Variants in NRG1 observed in about 807,000 individuals in gnomAD.
NRG1 encodes the protein pro-neuregulin-1, membrane-bound isoform.
A neutral mutation model predicts 63.8 loss-of-function variants in NRG1; 18 were observed. That is an observed-to-expected ratio of 0.28 (90% CI 0.19 to 0.42). The LOEUF (loss-of-function observed/expected upper bound fraction) is 0.42. NRG1 is among the 10% of genes least tolerant of loss of function. The pLI, the probability that NRG1 is intolerant of heterozygous loss-of-function variation, is 1.00. For synonymous variants in NRG1, 302 were observed against 301.3 expected (o/e 1.00, Z -0.02); for missense variants, 762 against 814.7 (o/e 0.94, Z 0.79).
intron 1 of NRG1, among the ~76,000 whole-genome samples, chr8:32,349,415 A>G (rs1343602715): frequency 6.6e-6 from 1 of 152,192 alleles, no homozygotes; most frequent in African/African-American, 2.4e-5. Flanking sequence ...ACAGACTGAA[A>G]AGAGAACAAC....
chr8:32,457,337 C>T (rs981909914), intron 1 of NRG1, among the ~76,000 whole-genome samples: 1 of 152,072 alleles, frequency 6.6e-6, no homozygotes, highest in African/African-American at 2.4e-5. Context: ...AGGATGGTGT[C>T]CAGTCATGTA....
intron 1 of NRG1, among the ~76,000 whole-genome samples, chr8:32,461,426 C>T (rs867642160): frequency 9.9e-5 from 15 of 152,150 alleles, no homozygotes; most frequent in South Asian, 4.2e-4. Context: ...TGGCTGGGCG[C>T]GGTGGCTCAT....
intron 1 of NRG1, among the ~76,000 whole-genome samples, chr8:31,850,167 G>A (rs917967789): frequency 5.3e-5 from 8 of 152,072 alleles, no homozygotes; most frequent in African/African-American, 1.9e-4. Context: ...AATTCCCAAA[G>A]CAGTATCTCT....
chr8:31,695,712 C>T (rs1809992705), intron 1 of NRG1, among the ~76,000 whole-genome samples: 1 of 152,140 alleles, frequency 6.6e-6, no homozygotes, highest in Non-Finnish European at 1.5e-5. Context: ...TTCTTATAAA[C>T]CATTCTATTT....
rs981702260 is a variant in NRG1, at chr8:32,556,750, A to T, written c.100+7924A>T. Among the ~76,000 whole-genome samples, 6 of 152,322 alleles carry T rather than the reference A, an allele frequency of 3.9e-5. No homozygotes were observed. In the East Asian group the frequency reaches 1.2e-3, roughly 29 times the overall value. ...TCAAATTTCGATATAGCCAGTTTTTAAAACTGTATATGTTTATAACTCATC... is the reference window on the plus strand; with the variant it reads ...TCAAATTTCGATATAGCCAGTTTTTTAAACTGTATATGTTTATAACTCATC... On this transcript the variant is annotated intron_variant, in intron 1 of 11. Transcript: ENST00000356819.
At chr8:31,665,097 G>A (rs544851163) in intron 1 of NRG1, among the ~76,000 whole-genome samples, 16 of 152,264 alleles carry the variant, frequency 1.1e-4, no homozygotes, top group African/African-American at 3.9e-4. Flanking sequence ...ACAGAGATTT[G>A]TCAGCAGACA....
intron 1 of NRG1, among the ~76,000 whole-genome samples, chr8:32,520,234 T>G (rs1830207050): frequency 6.6e-6 from 1 of 151,956 alleles, no homozygotes. Flanking sequence ...AGATTTCAGC[T>G]CACTGCAGCC....
At chr8:32,038,555 GCTTT>G (rs1819443722) in intron 1 of NRG1, among the ~76,000 whole-genome samples, 2 of 151,836 alleles carry the variant, frequency 1.3e-5, no homozygotes, top group Non-Finnish European at 2.9e-5. Flanking sequence ...GTTTTATTTT[GCTTT>G]CTAATAGAAT....
intron 1 of NRG1, among the ~76,000 whole-genome samples, chr8:32,224,932 T>C (rs1186450959): frequency 6.6e-6 from 1 of 152,204 alleles, no homozygotes; most frequent in Non-Finnish European, 1.5e-5. Flanking sequence ...CAGATGGCAG[T>C]GAGAAACAAA....
chr8:31,727,758 T>TA (rs1813593769), intron 1 of NRG1, among the ~76,000 whole-genome samples: 1 of 152,202 alleles, frequency 6.6e-6, no homozygotes, highest in Admixed American at 6.6e-5. Context: ...GTCTTTTTTT[T>TA]ATATGTACAT....
intron 1 of NRG1, among the ~76,000 whole-genome samples, chr8:32,185,933 A>G (rs1841918982): frequency 6.6e-6 from 1 of 152,216 alleles, no homozygotes; most frequent in Admixed American, 6.5e-5. Flanking sequence ...TAATCCTAAG[A>G]AAATTCTTCT....
chr8:31,853,975 G>A (rs1404453139), intron 1 of NRG1, among the ~76,000 whole-genome samples: 1 of 148,788 alleles, frequency 6.7e-6, no homozygotes, highest in Non-Finnish European at 1.5e-5. Flanking sequence ...CTTGATCATG[G>A]TGGATAAGCT....
intron 1 of NRG1, among the ~76,000 whole-genome samples, chr8:32,147,409 A>G (rs1287207125): frequency 6.6e-6 from 1 of 152,242 alleles, no homozygotes; most frequent in African/African-American, 2.4e-5. Flanking sequence ...TGTACATACA[A>G]TGTAATCCTA....
intron 1 of NRG1, among the ~76,000 whole-genome samples, chr8:32,293,550 G>A (rs565752750): frequency 6.6e-6 from 1 of 152,170 alleles, no homozygotes; most frequent in East Asian, 1.9e-4. Context: ...TACTAATATG[G>A]ACAATGATTT....
chr8:31,728,647 G>A (rs1469141875), intron 1 of NRG1, among the ~76,000 whole-genome samples: 1 of 152,146 alleles, frequency 6.6e-6, no homozygotes, highest in Non-Finnish European at 1.5e-5. Flanking sequence ...ACTGCTGCAT[G>A]CTAAATTCAT....
intron 1 of NRG1, among the ~76,000 whole-genome samples, chr8:32,081,616 G>T (rs1345947337): frequency 6.6e-6 from 1 of 152,098 alleles, no homozygotes; most frequent in Admixed American, 6.6e-5. Context: ...AAACATATCT[G>T]AAACATGGTT....
In NRG1 at chr8:32,077,195, C is replaced by T. The variant is rs61435725; in HGVS notation, c.37+437764C>T. On this transcript the variant is annotated intron_variant, in intron 1 of 10. Coordinates refer to the NRG1 transcript ENST00000519301. ...CAGCCTGGCCAACATGGTGAAACCC[C>T]GTCTCTACTAAAACTACAAAAATTA... 1.6e-3 allele frequency among the ~76,000 whole-genome samples: 237 copies of T among 152,208 alleles called. 1 individual carries two copies. Among genetic ancestry groups the T allele is most frequent in the African/African-American group, 4.3e-3 (178 of 41,510 alleles).
chr8:31,716,558 T>C lies in NRG1; in HGVS notation c.37+77127T>C, dbSNP rs191798259. Among the ~76,000 whole-genome samples, 53 of 152,350 alleles carry C rather than the reference T, an allele frequency of 3.5e-4. 1 individual carries two copies. The East Asian group carries it at 9.8e-3, about 28-fold the overall frequency. On this transcript the variant is annotated intron_variant, in intron 1 of 10. Transcript: ENST00000519301. The stretch of plus-strand genomic sequence containing the variant: ...GAGAAGGACAACATAAACAATAAGA[T>C]TTACACTGTAAAATTAGCCTCCACT...
intron 1 of NRG1, among the ~76,000 whole-genome samples, chr8:31,929,447 G>C (rs1226542425): frequency 6.6e-6 from 1 of 151,508 alleles, no homozygotes; most frequent in African/African-American, 2.4e-5. Context: ...ACATTTTATA[G>C]ATTATCTCTT....
Sources: allele counts gnomAD v4.1 joint callset (sites outside exome capture counted in the v4.1 genomes callset), GRCh38; gene constraint gnomAD v4.1.1; transcripts MANE v1.5; gene names NCBI Gene and HGNC (gene_info 2026-07-23, HGNC 2026-07-21).